The following TFRC variants were observed in gnomAD, a reference collection of about 807,000 sequenced individuals.
The protein encoded by TFRC is transferrin receptor.
In TFRC, 35 loss-of-function variants were observed where a neutral mutation model predicts 85.8. The observed-to-expected ratio is 0.41, with a 90% CI of 0.31 to 0.54. TFRC has a LOEUF of 0.54. Among genes scored for constraint, TFRC ranks in the 20% least tolerant of loss-of-function variants. The probability of loss-of-function intolerance (pLI) is 0.31; values close to 1 mark genes in which losing one functional copy is unlikely to be tolerated. For missense variants in TFRC, 828 were observed against 921.5 expected (o/e 0.90, Z 1.31); for synonymous variants, 362 against 328.6 (o/e 1.10, Z -1.10).
At position 196,049,611 on chromosome 3, in the gene TFRC, C is replaced by G. The variant is rs1198129841; in HGVS notation, c.*2331G>C. 4.4e-6 allele frequency: 1 copy of G among 224,976 alleles called. No individual in the cohort carries two copies. The highest frequency in any genetic ancestry group is 8.9e-6 in the Non-Finnish European group (1 of 112,974). 13.9% of individuals were successfully genotyped at this position (224,976 alleles called of 1,614,324 possible). On this transcript the variant is annotated 3_prime_UTR_variant, in exon 19 of 19. Coordinates refer to ENST00000360110, the MANE Select transcript of TFRC (RefSeq NM_001128148.3). The stretch of plus-strand genomic sequence containing the variant: ...CTGGCTTGATAGGAAGTAACTCAAC[C>G]CTAACTGTAGAAAAGGGTTTTCTGA...
chr3:196,077,200 GATAC>G (rs1553800179), intron 1 of TFRC, 78 bp from the exon 2 acceptor site: 1 of 993,246 alleles, frequency 1.0e-6, no homozygotes, highest in Non-Finnish European at 1.5e-6. Flanking sequence ...CAGGCTAAAT[GATAC>G]ATTAAATTTT....
At position 196,065,423 on chromosome 3, in the gene TFRC, G is replaced by GGGGGC. The variant is rs1717645712; in HGVS notation, c.1198+19_1198+20insGCCCC. On this transcript the variant is annotated intron_variant, in intron 10 of 18. Transcript: ENST00000360110. ...AAACAAAAAAAAAGCGGGGCGGGGG[G>GGGGGC]GGGGGGGGGCGGTCTTTACCTGGTT... 1.4e-6 allele frequency: 1 copy of GGGGGC among 700,200 alleles called. No homozygotes were observed. Among genetic ancestry groups the GGGGGC allele is most frequent in the Non-Finnish European group, 1.9e-6 (1 of 519,878 alleles). 43.4% of individuals were successfully genotyped at this position (700,200 alleles called of 1,614,324 possible).
At chr3:196,054,162 C>T (rs967830567) in intron 17 of TFRC, among the ~76,000 whole-genome samples, 7 of 152,072 alleles carry the variant, frequency 4.6e-5, no homozygotes, top group African/African-American at 7.2e-5. Context: ...GGCGTGAACC[C>T]GGGAGGCGCA....
rs142135886 is a variant in TFRC at position 196,049,733 on chromosome 3, C to G, written c.*2209G>C. On this transcript the variant is annotated 3_prime_UTR_variant, in exon 19 of 19. Coordinates refer to ENST00000360110, the MANE Select transcript of TFRC (RefSeq NM_001128148.3). The stretch of plus-strand genomic sequence containing the variant: ...CATTTAAGTACGTGTGCGTAACACC[C>G]GAACCAGGAATCTCAGCTATGACCT... 1 of 229,942 alleles carries G rather than the reference C, an allele frequency of 4.3e-6. No individual in the cohort carries two copies. The highest frequency in any genetic ancestry group is 6.2e-5 in the East Asian group (1 of 16,180). The allele number at this position is 229,942 out of a possible 1,614,324, so 14.2% of individuals were successfully genotyped here.
chr3:196,075,071 G>GA, intron 3 of TFRC, 88 bp downstream of exon 3: 2 of 888,726 alleles, frequency 2.3e-6, no homozygotes, highest in South Asian at 1.7e-5. Flanking sequence ...AAAAAATAAG[G>GA]TACAAAATAA....
intron 18 of TFRC, among the ~76,000 whole-genome samples, chr3:196,052,974 C>A (rs1036858705): frequency 5.3e-5 from 8 of 151,844 alleles, no homozygotes. Flanking sequence ...ATGAGCCGGG[C>A]GTGGTGTTGG....
At chr3:196,059,531 C>G (rs530267440) in intron 14 of TFRC, among the ~76,000 whole-genome samples, 21 of 152,312 alleles carry the variant, frequency 1.4e-4, no homozygotes, top group Non-Finnish European at 2.2e-4. Flanking sequence ...TGTCTGCTAT[C>G]TGACCTGTTT....
chr3:196,062,144 G>A (rs913410477), intron 13 of TFRC, among the ~76,000 whole-genome samples: 1 of 151,962 alleles, frequency 6.6e-6, no homozygotes, highest in Non-Finnish European at 1.5e-5. Context: ...CCTGAGCCCA[G>A]GAGGTCAAGG....
rs1180466226 is a variant in TFRC, at chr3:196,058,285, T to A, written c.1676A>T (p.Glu559Val). ...TGTCATTTAAATGAACAGACTTACCTCGCAAAAACAGAAAGAAACTGCTGG... is the reference window on the plus strand; with the variant it reads ...TGTCATTTAAATGAACAGACTTACCACGCAAAAACAGAAAGAAACTGCTGG... ...GIPAVSFCFC[E>V]DTDYPYLGTT... The change falls in exon 16 of 19, where the codon GAG becomes GTG. Residue 559 changes from glutamate (E) to valine (V), a missense_variant and splice_region_variant. Glu to Val is a moderately radical substitution (Grantham distance 121). Coordinates refer to ENST00000360110, the MANE Select transcript of TFRC (RefSeq NM_001128148.3). 2 of 1,613,368 alleles carry A rather than the reference T, an allele frequency of 1.2e-6. No homozygotes were observed. Among genetic ancestry groups the A allele is most frequent in the Non-Finnish European group, 1.7e-6 (2 of 1,179,592 alleles).
chr3:196,067,809 C>T, intron 8 of TFRC, 152 bp from the exon 9 acceptor site: 1 of 920,858 alleles, frequency 1.1e-6, no homozygotes, highest in Middle Eastern at 2.2e-4. Flanking sequence ...CTCCTGTTTT[C>T]ATGGCATATG....
Position 196,053,979 on chromosome 3 carries a change from G to A in TFRC, c.1900-421C>T, listed in dbSNP as rs146137052. 3.7e-3 allele frequency among the ~76,000 whole-genome samples: 561 copies of A among 152,304 alleles called. 3 individuals carry two copies. Among genetic ancestry groups the A allele is most frequent in the African/African-American group, 0.013 (544 of 41,572 alleles). On this transcript the variant is annotated intron_variant, in intron 17 of 18. Coordinates refer to ENST00000360110, the MANE Select transcript of TFRC (RefSeq NM_001128148.3). ...ATGCCGGGCGTGGTGGCTCATGCCT[G>A]TGATCCCAGCACTTTGGGAGGCCGA...
intron 5 of TFRC, 80 bp from the exon 6 acceptor site, chr3:196,071,578 A>G (rs1415063740): frequency 7.2e-7 from 1 of 1,381,048 alleles, no homozygotes; most frequent in Admixed American, 1.8e-5. Flanking sequence ...TATGTCTTGC[A>G]TTATTTGGCT....
At chr3:196,059,598 T>TA (rs1206101107) in intron 14 of TFRC, among the ~76,000 whole-genome samples, 1 of 148,648 alleles carries the variant, frequency 6.7e-6, no homozygotes, top group African/African-American at 2.5e-5. Flanking sequence ...ATATTTTCTT[T>TA]TTTATTTATT....
chr3:196,070,734 A>G (rs1337006046), intron 6 of TFRC, among the ~76,000 whole-genome samples: 1 of 150,186 alleles, frequency 6.7e-6, no homozygotes, highest in Non-Finnish European at 1.5e-5. Flanking sequence ...GTTTCAATTG[A>G]AGACCAGCCT....
chr3:196,081,441 T>C (rs1719167401), intron 1 of TFRC, among the ~76,000 whole-genome samples: 1 of 152,248 alleles, frequency 6.6e-6, no homozygotes, highest in Non-Finnish European at 1.5e-5. Flanking sequence ...GCTTTGTCCC[T>C]TTCCGCAGTG....
At chr3:196,065,130 C>T (rs911487796) in intron 10 of TFRC, among the ~76,000 whole-genome samples, 4 of 151,874 alleles carry the variant, frequency 2.6e-5, no homozygotes, top group Non-Finnish European at 5.9e-5. Flanking sequence ...GGCGTGGTGG[C>T]GCATGCCTGT....
At chr3:196,080,497 C>T (rs1719076622) in intron 1 of TFRC, among the ~76,000 whole-genome samples, 1 of 152,252 alleles carries the variant, frequency 6.6e-6, no homozygotes, top group Non-Finnish European at 1.5e-5. Context: ...CCTTGGCCTC[C>T]CAAAGTGCTG....
Position 196,053,114 on chromosome 3 carries a change from C to CA in TFRC, c.2040+303dup, listed in dbSNP as rs202084265. On this transcript the variant is annotated intron_variant, in intron 18 of 18. Coordinates refer to ENST00000360110, the MANE Select transcript of TFRC (RefSeq NM_001128148.3). ...GGGCAACAACAGTGAAACTCTGTCT[C>CA]AAAAAAAAAAAAAATTTTTTTAAAG... Among the ~76,000 whole-genome samples, 28,537 of 139,704 alleles carry CA rather than the reference C, an allele frequency of 0.2. 3,044 individuals carry two copies. The highest frequency in any genetic ancestry group is 0.26 in the Non-Finnish European group (16,545 of 64,418). The allele number at this position is 139,704 out of a possible 152,430, so 91.7% of individuals were successfully genotyped here.
rs753412262 is a variant in TFRC, at chr3:196,051,652, C to G, written c.*290G>C. 14 of 369,132 alleles carry G rather than the reference C, an allele frequency of 3.8e-5. No homozygotes were observed. Among genetic ancestry groups the G allele is most frequent in the Non-Finnish European group, 6.9e-5 (14 of 203,300 alleles). 22.9% of individuals were successfully genotyped at this position (369,132 alleles called of 1,614,324 possible). On this transcript the variant is annotated 3_prime_UTR_variant, in exon 19 of 19. Transcript: ENST00000360110. ...TCACATAACTGGTTTCTGACATTTT[C>G]ATTAACAACAACAGGAAAGAGGCAG...
Sources: gnomAD v4.1 joint callset for allele counts (sites outside exome capture counted in the v4.1 genomes callset) on GRCh38, gnomAD v4.1.1 for gene constraint, MANE v1.5 for transcripts, NCBI Gene and HGNC (gene_info 2026-07-23, HGNC 2026-07-21) for gene names.